Variants in ZMYM2 observed in about 807,000 individuals in gnomAD.
The protein encoded by ZMYM2 is zinc finger MYM-type protein 2.
In ZMYM2, 56 loss-of-function variants were observed where a neutral mutation model predicts 162.8. That is an observed-to-expected ratio of 0.34 (90% CI 0.28 to 0.43). ZMYM2 has a LOEUF of 0.43. ZMYM2 is among the 20% of genes least tolerant of loss of function. The probability of loss-of-function intolerance (pLI) is 1.00; values close to 1 mark genes in which losing one functional copy is unlikely to be tolerated. For missense variants in ZMYM2, 1,275 were observed against 1,621.8 expected (o/e 0.79, Z 3.67); for synonymous variants, 510 against 541.6 (o/e 0.94, Z 0.81).
In ZMYM2 at chr13:20,054,698, T is replaced by C. The variant is rs539946065; in HGVS notation, c.2493+2387T>C. On this transcript the variant is annotated intron_variant, in intron 14 of 24. Transcript: ENST00000610343. ...AAGTGTAGATTTTCACCAAGTGGCA[T>C]AGTTAATTGACATAAAGTAGTATTT... 1.2e-3 allele frequency among the ~76,000 whole-genome samples: 178 copies of C among 151,772 alleles called. 1 individual carries two copies. Among genetic ancestry groups the C allele is most frequent in the African/African-American group, 4.1e-3 (171 of 41,380 alleles).
At chr13:19,917,458 T>C in the ZMYM2 span, among the ~76,000 whole-genome samples, 1 of 151,084 alleles carries the variant, frequency 6.6e-6, no homozygotes. Flanking sequence ...GGTGTGGTGG[T>C]GCACGCCTGT....
the ZMYM2 span, among the ~76,000 whole-genome samples, chr13:19,865,986 G>A: frequency 1.3e-4 from 10 of 79,328 alleles, no homozygotes; most frequent in South Asian, 1.1e-3. Context: ...CATCTTAACA[G>A]ATAAGTTACT....
At chr13:19,896,588 C>T in the ZMYM2 span, among the ~76,000 whole-genome samples, 4 of 150,524 alleles carry the variant, frequency 2.7e-5, no homozygotes, top group African/African-American at 9.8e-5. Context: ...AACCCCGTCT[C>T]TACTAAAAAA....
chr13:19,958,244 G>A (rs1301863148), upstream of ZMYM2, among the ~76,000 whole-genome samples: 1 of 152,200 alleles, frequency 6.6e-6, no homozygotes, highest in Non-Finnish European at 1.5e-5. Flanking sequence ...CAACTGGACA[G>A]GGAGGGCGTT....
intron 7 of ZMYM2, among the ~76,000 whole-genome samples, chr13:20,021,171 T>G (rs1343524836): frequency 6.6e-6 from 1 of 152,014 alleles, no homozygotes; most frequent in African/African-American, 2.4e-5. Flanking sequence ...GAGGCGGGGT[T>G]TCACCGTGTT....
At chr13:20,081,685 T>C (rs1008093625) in intron 21 of ZMYM2, among the ~76,000 whole-genome samples, 35 of 152,234 alleles carry the variant, frequency 2.3e-4, no homozygotes, top group African/African-American at 8.2e-4. Flanking sequence ...ATTTTAAAAT[T>C]TACATTTTTC....
At chr13:19,880,430 A>AT in the ZMYM2 span, among the ~76,000 whole-genome samples, 372 of 150,978 alleles carry the variant, frequency 2.5e-3, 2 homozygotes, top group African/African-American at 8.2e-3. Flanking sequence ...TTGTAACTGA[A>AT]TTTTTTTTCT....
upstream of ZMYM2, among the ~76,000 whole-genome samples, chr13:19,956,765 C>G (rs1015387458): frequency 6.6e-6 from 1 of 152,204 alleles, no homozygotes; most frequent in Admixed American, 6.5e-5. Flanking sequence ...AAGTATTAGT[C>G]TACTTTAGTC....
intron 10 of ZMYM2, 125 bp downstream of exon 10, chr13:20,031,560 T>C (rs939517795): frequency 2.1e-5 from 13 of 628,992 alleles, no homozygotes; most frequent in African/African-American, 3.8e-5. Context: ...GATTTTTTTT[T>C]ATGATTGGAT....
the ZMYM2 span, among the ~76,000 whole-genome samples, chr13:19,932,441 A>G: frequency 6.6e-6 from 1 of 152,024 alleles, no homozygotes; most frequent in Admixed American, 6.6e-5. Context: ...TGAGGTCAGG[A>G]GTTCAAGACC....
intron 21 of ZMYM2, among the ~76,000 whole-genome samples, chr13:20,077,553 G>A (rs1957593949): frequency 6.6e-6 from 1 of 151,144 alleles, no homozygotes; most frequent in Non-Finnish European, 1.5e-5. Flanking sequence ...CAATGAAAAA[G>A]TATAGGAATT....
intron 2 of ZMYM2, among the ~76,000 whole-genome samples, chr13:19,972,564 A>G (rs1383136757): frequency 2.0e-5 from 3 of 152,160 alleles, no homozygotes; most frequent in African/African-American, 4.8e-5. Flanking sequence ...TGGCATGGAT[A>G]TAATACAGCT....
the ZMYM2 span, among the ~76,000 whole-genome samples, chr13:19,870,653 G>C: frequency 6.7e-6 from 1 of 150,042 alleles, no homozygotes; most frequent in East Asian, 1.9e-4. Flanking sequence ...TGCCCAGGCT[G>C]GTGTGCAGTG....
Position 19,987,572 on chromosome 13 carries a change from C to CGTGTGTGTGTGT in ZMYM2, c.-10-5476_-10-5465dup, listed in dbSNP as rs36128018. On this transcript the variant is annotated intron_variant, in intron 2 of 24. Coordinates refer to ENST00000610343, the MANE Select transcript of ZMYM2 (RefSeq NM_197968.4). ...GGCACCGCACCCGGGCGCCCCGCTA[C>CGTGTGTGTGTGT]GTGTGTGTGTGTGTGTGTGTGTGTG... Among the ~76,000 whole-genome samples, 58 of 133,330 alleles carry CGTGTGTGTGTGT rather than the reference C, an allele frequency of 4.4e-4. 1 individual carries two copies. Among genetic ancestry groups the CGTGTGTGTGTGT allele is most frequent in the African/African-American group, 1.1e-3 (39 of 35,620 alleles). 87.5% of individuals were successfully genotyped at this position (133,330 alleles called of 152,430 possible).
rs546431948 is a variant in ZMYM2, at chr13:20,020,755, A to G, written c.1584+1137A>G. Reference sequence around the variant, plus strand: ...TTTTTCCTTCTGTACTCCATTTTGGAAAGTTTCTATTGCTGTATCTTTAAG... The same window carrying G: ...TTTTTCCTTCTGTACTCCATTTTGGGAAGTTTCTATTGCTGTATCTTTAAG... On this transcript the variant is annotated intron_variant, in intron 7 of 24. Transcript: ENST00000610343. Among the ~76,000 whole-genome samples, 14 of 151,610 alleles carry G rather than the reference A, an allele frequency of 9.2e-5. No homozygotes were observed. In the South Asian group the frequency reaches 2.9e-3, roughly 32 times the overall value.
the ZMYM2 span, among the ~76,000 whole-genome samples, chr13:19,907,604 A>G: frequency 1.3e-5 from 2 of 151,952 alleles, no homozygotes; most frequent in East Asian, 1.9e-4. Flanking sequence ...TACTAAAAAT[A>G]CAAAAAAATT....
At chr13:20,025,522 A>G (rs974786753) in intron 7 of ZMYM2, 3 of 162,238 alleles carry the variant, frequency 1.8e-5, no homozygotes, top group Non-Finnish European at 2.7e-5. Context: ...TAGCCAGGCA[A>G]TTGCTTGAAC....
At chr13:19,979,779 T>C (rs891147357) in intron 2 of ZMYM2, among the ~76,000 whole-genome samples, 1 of 152,210 alleles carries the variant, frequency 6.6e-6, no homozygotes, top group African/African-American at 2.4e-5. Flanking sequence ...AGTGGCTGGT[T>C]TGTACTATTC....
Position 20,026,717 on chromosome 13 carries a change from A to C in ZMYM2, c.1690A>C (p.Thr564Pro). The change falls in exon 8 of 25, where the codon ACT (threonine) becomes CCT (proline). Residue 564 changes from threonine to proline, a missense_variant. Physicochemically the swap from Thr to Pro is conservative, Grantham distance 38. Transcript: ENST00000610343. ...PNGYMEPYCS[T>P]ACMNSHKTKY... ...TGGATATATGGAGCCATATTGTTCA[A>C]CTGCTTGTATGAACAGTCACAAGAC... is the stretch of plus-strand genomic sequence containing the variant. The C allele has an allele frequency of 6.2e-7, 1 of 1,604,768 alleles. No homozygotes were observed. The highest frequency in any genetic ancestry group is 8.5e-7 in the Non-Finnish European group (1 of 1,178,114).
Sources: allele counts gnomAD v4.1 joint callset (sites outside exome capture counted in the v4.1 genomes callset), GRCh38; gene constraint gnomAD v4.1.1; transcripts MANE v1.5; gene names NCBI Gene and HGNC (gene_info 2026-07-23, HGNC 2026-07-21).